Variants in ALDH2 observed in about 807,000 individuals in gnomAD.
The protein encoded by ALDH2 is aldehyde dehydrogenase, mitochondrial.
In ALDH2, 44 loss-of-function variants were observed where a neutral mutation model predicts 59.6. That is an observed-to-expected ratio of 0.74 (90% CI 0.58 to 0.95). ALDH2 has a LOEUF of 0.95. Ranked by LOEUF, ALDH2 falls within the 40% of genes least tolerant of loss-of-function variation. The probability of loss-of-function intolerance (pLI) is 0.00; values close to 1 mark genes in which losing one functional copy is unlikely to be tolerated. For missense variants in ALDH2, 570 were observed against 696.3 expected (o/e 0.82, Z 2.04); for synonymous variants, 291 against 284.0 (o/e 1.02, Z -0.25).
rs1354902575 is a variant in ALDH2, at chr12:111,767,051, G to A, written c.69G>A (p.Gln23=). The A allele has an allele frequency of 4.6e-6, 7 of 1,529,208 alleles. No individual in the cohort carries two copies. The Admixed American group carries it at 5.9e-5, about 13-fold the overall frequency. 94.7% of individuals were successfully genotyped at this position (1,529,208 alleles called of 1,614,324 possible). The change falls in exon 1 of 13, where the codon CAG becomes CAA. Residue 23 remains glutamine, a synonymous_variant. Coordinates refer to ENST00000261733, the MANE Select transcript of ALDH2 (RefSeq NM_000690.4). ...GRRLLSAAAT[Q]AVPAPNQQPE... Reference sequence around the variant, plus strand: ...GCCTCTTGTCAGCCGCCGCCACCCAGGCCGTGCCTGCCCCCAACCAGCAGC... The same window carrying A: ...GCCTCTTGTCAGCCGCCGCCACCCAAGCCGTGCCTGCCCCCAACCAGCAGC...
At chr12:111,774,795 T>TCCAGA (rs2136008643) in intron 1 of ALDH2, among the ~76,000 whole-genome samples, 1 of 152,298 alleles carries the variant, frequency 6.6e-6, no homozygotes, top group Non-Finnish European at 1.5e-5. Flanking sequence ...TGTCCTGCTC[T>TCCAGA]GGGCACTGAC....
At chr12:111,767,659 C>G (rs2068169269) in intron 1 of ALDH2, among the ~76,000 whole-genome samples, 1 of 152,174 alleles carries the variant, frequency 6.6e-6, no homozygotes, top group Non-Finnish European at 1.5e-5. Context: ...GGGGCCGACC[C>G]CAAGGGGTGT....
intron 1 of ALDH2, among the ~76,000 whole-genome samples, chr12:111,777,499 T>G (rs933954276): frequency 2.6e-5 from 4 of 152,136 alleles, no homozygotes; most frequent in African/African-American, 9.7e-5. Flanking sequence ...CCAAGTGCTT[T>G]GCTGTGAGGC....
chr12:111,790,364 C>T, intron 5 of ALDH2, 70 bp from the exon 6 acceptor site: 2 of 1,601,706 alleles, frequency 1.2e-6, no homozygotes, highest in Non-Finnish European at 1.7e-6. Context: ...TCTGGGGTTG[C>T]CACCTTCTGC....
In ALDH2 at chr12:111,813,583, G is replaced by A. The variant is rs759771640; in HGVS notation, c.*4008G>A. 2 of 152,164 alleles carry A rather than the reference G, an allele frequency of 1.3e-5. No homozygotes were observed. The highest frequency in any genetic ancestry group is 2.9e-5 in the Non-Finnish European group (2 of 68,038). The allele number at this position is 152,164 out of a possible 1,614,324, so 9.4% of individuals were successfully genotyped here. A position where few individuals can be genotyped will look rare whatever the true frequency, so the allele number is the denominator to read the frequency against. ...CCCAAATATCAGTCAATAGATGAATGGACAGACAAAATGTGACATATCCAT... is the reference window on the plus strand; with the variant it reads ...CCCAAATATCAGTCAATAGATGAATAGACAGACAAAATGTGACATATCCAT... On this transcript the variant is annotated 3_prime_UTR_variant, in exon 13 of 13. Coordinates refer to ENST00000261733, the MANE Select transcript of ALDH2 (RefSeq NM_000690.4).
At chr12:111,785,176 T>C in intron 3 of ALDH2, 91 bp from the exon 4 acceptor site, 2 of 1,026,466 alleles carry the variant, frequency 1.9e-6, no homozygotes, top group South Asian at 1.3e-5. Flanking sequence ...GCACCAGCCC[T>C]TCTCAGTCCC....
intron 3 of ALDH2, 50 bp downstream of exon 3, chr12:111,783,348 C>T (rs763849334): frequency 9.6e-6 from 15 of 1,556,172 alleles, no homozygotes; most frequent in Non-Finnish European, 1.2e-5. Context: ...TGAATAGGCT[C>T]GCAGCATCCT....
At chr12:111,776,327 C>G (rs566924699) in intron 1 of ALDH2, among the ~76,000 whole-genome samples, 18 of 152,160 alleles carry the variant, frequency 1.2e-4, no homozygotes, top group Non-Finnish European at 2.4e-4. Flanking sequence ...TGCAGGACCC[C>G]CTGCGGGCAA....
intron 4 of ALDH2, among the ~76,000 whole-genome samples, chr12:111,788,743 T>C (rs1191531595): frequency 6.6e-6 from 1 of 152,128 alleles, no homozygotes; most frequent in Non-Finnish European, 1.5e-5. Flanking sequence ...GGCTCGAGCC[T>C]GTAATCCCAG....
In ALDH2 at chr12:111,798,121, C is replaced by T. The variant is rs551054294; in HGVS notation, c.1127C>T (p.Thr376Met). Residue 376 changes from threonine to methionine, a missense_variant, in exon 10 of 13, where the codon ACG becomes ATG. Transcript: ENST00000261733. ...QFKKILGYIN[T>M]GKQEGAKLLC... ...AAGAAGATCCTCGGCTACATCAACA[C>T]GGGGAAGCAAGAGGGGGCGAAGCTG... is the stretch of plus-strand genomic sequence containing the variant. 2.0e-5 allele frequency: 33 copies of T among 1,614,032 alleles called. No homozygotes were observed. The Admixed American group carries it at 3.3e-4, about 16-fold the overall frequency.
chr12:111,802,434 A>G (rs1321004225), intron 11 of ALDH2, among the ~76,000 whole-genome samples: 2 of 147,022 alleles, frequency 1.4e-5, no homozygotes, highest in Non-Finnish European at 3.0e-5. Context: ...AAAAAAAATT[A>G]GCCGGGCGCA....
chr12:111,767,223 A>C (rs1400424427), intron 1 of ALDH2, 127 bp downstream of exon 1: 2 of 698,464 alleles, frequency 2.9e-6, no homozygotes, highest in Non-Finnish European at 4.4e-6. Context: ...GCAGAGGCTG[A>C]CCTGGAAGCA....
chr12:111,789,017 CTTTTT>C lies in ALDH2; in HGVS notation c.441-792_441-788del, dbSNP rs1224537015. Among the ~76,000 whole-genome samples the C allele has an allele frequency of 6.5e-4, 81 of 125,168 alleles. 1 individual carries two copies. In the South Asian group the frequency reaches 0.021, roughly 32 times the overall value. 82.1% of individuals were successfully genotyped at this position (125,168 alleles called of 152,430 possible). On this transcript the variant is annotated intron_variant, in intron 4 of 12. Transcript: ENST00000261733. Reference sequence around the variant, plus strand: ...AAGACCCTGTTTCTTTCTTTCTTTTCTTTTTTTTTTTTTTTTTTGAGACAGAGTCT... The same window carrying C: ...AAGACCCTGTTTCTTTCTTTCTTTTCTTTTTTTTTTTTTGAGACAGAGTCT...
chr12:111,784,885 A>T (rs767304915), intron 3 of ALDH2, among the ~76,000 whole-genome samples: 1 of 152,222 alleles, frequency 6.6e-6, no homozygotes, highest in African/African-American at 2.4e-5. Flanking sequence ...GCAAGTCACT[A>T]CATCCGGCCT....
intron 9 of ALDH2, among the ~76,000 whole-genome samples, chr12:111,792,988 A>G (rs2068375357): frequency 6.6e-6 from 1 of 152,032 alleles, no homozygotes; most frequent in South Asian, 2.1e-4. Context: ...GGTGGCTGTG[A>G]TGTAGAAATT....
chr12:111,810,605 A>ATT lies in ALDH2; in HGVS notation c.*1049_*1050dup, dbSNP rs911026675. The ATT allele has an allele frequency of 6.0e-4, 82 of 137,622 alleles. No homozygotes were observed. The highest frequency in any genetic ancestry group is 1.3e-3 in the African/African-American group (50 of 37,492). The allele number at this position is 137,622 out of a possible 1,614,324, so 8.5% of individuals were successfully genotyped here. On this transcript the variant is annotated 3_prime_UTR_variant, in exon 13 of 13. Coordinates refer to ENST00000261733, the MANE Select transcript of ALDH2 (RefSeq NM_000690.4). ...GATACTGAATGTCCAATGTTCTCAA[A>ATT]TTTTTTTTTTTTTTTTTTTTGAGAC... is the stretch of plus-strand genomic sequence containing the variant.
chr12:111,768,294 G>C (rs2068174012), intron 1 of ALDH2, among the ~76,000 whole-genome samples: 1 of 152,216 alleles, frequency 6.6e-6, no homozygotes, highest in Admixed American at 6.5e-5. Context: ...ATGCTGTAGA[G>C]CTGGCTCCTA....
At chr12:111,775,514 TC>T (rs1162364195) in intron 1 of ALDH2, 20 of 382,616 alleles carry the variant, frequency 5.2e-5, no homozygotes, top group African/African-American at 3.8e-4. Context: ...GGTGAATGAA[TC>T]CAATTTTTAC....
At chr12:111,771,166 T>G (rs1593068038) in intron 1 of ALDH2, among the ~76,000 whole-genome samples, 1 of 151,812 alleles carries the variant, frequency 6.6e-6, no homozygotes, top group African/African-American at 2.4e-5. Flanking sequence ...GAGGCTAAGG[T>G]GGGAAGATTG....
Sources: gnomAD v4.1 joint callset for allele counts (sites outside exome capture counted in the v4.1 genomes callset) on GRCh38, gnomAD v4.1.1 for gene constraint, MANE v1.5 for transcripts, NCBI Gene and HGNC (gene_info 2026-07-23, HGNC 2026-07-21) for gene names.